TBC1D8B: variants seen among roughly 807,000 people sequenced by gnomAD.
The protein encoded by TBC1D8B is RP11-321G1.1.
A neutral mutation model predicts 82.9 loss-of-function variants in TBC1D8B; 75 were observed. The observed-to-expected ratio is 0.90, with a 90% confidence interval of 0.75 to 1.10. The LOEUF (loss-of-function observed/expected upper bound fraction) is 1.10, where lower values mean the gene tolerates loss of function less well. TBC1D8B is among the 50% of genes least tolerant of loss of function. TBC1D8B has a pLI of 0.00. For missense variants in TBC1D8B, 794 were observed against 796.9 expected, an observed-to-expected ratio of 1.00 and a Z score of 0.04; for synonymous variants, 276 against 276.8, an observed-to-expected ratio of 1.00 and a Z score of 0.03.
chrX:106,861,239 C>T (rs755622861), intron 14 of TBC1D8B, among the ~76,000 whole-genome samples: 8 of 110,950 alleles, frequency 7.2e-5, no homozygotes, highest in Non-Finnish European at 1.3e-4. Flanking sequence ...CTGTTAGGTC[C>T]GTTTGGTCAA....
intron 10 of TBC1D8B, among the ~76,000 whole-genome samples, chrX:106,843,043 T>C (rs2147754613): frequency 8.9e-6 from 1 of 112,194 alleles, no homozygotes; most frequent in South Asian, 3.7e-4. Context: ...TCTTATGATT[T>C]AATAATATTC....
At chrX:106,863,490 G>A (rs1406091106) in intron 14 of TBC1D8B, among the ~76,000 whole-genome samples, 1 of 111,446 alleles carries the variant, frequency 9.0e-6, no homozygotes, top group African/African-American at 3.3e-5. Context: ...CCTGTGGAGG[G>A]AGGCACACAC....
At chrX:106,809,502 T>A (rs1931295078) in intron 1 of TBC1D8B, among the ~76,000 whole-genome samples, 1 of 107,908 alleles carries the variant, frequency 9.3e-6, no homozygotes, top group South Asian at 3.8e-4. Context: ...TAATTTTTTC[T>A]AGAAGTTTTT....
At position 106,827,243 on chromosome X, in the gene TBC1D8B, G is replaced by A. The variant is rs140193069; in HGVS notation, c.1109G>A (p.Arg370His). The change falls in exon 7 of 21, where the codon CGC becomes CAC. Residue 370 changes from arginine to histidine, a missense_variant. By Grantham distance (29) the Arg-to-His change is conservative. Transcript: ENST00000357242. ...IISIKGKTAF[R>H]FHEVKDFEQL... ...AGCATCAAAGGAAAAACAGCTTTTC[G>A]CTTCCATGAAGTTAAAGACTTTGAA... 139 of 1,209,351 alleles carry A rather than the reference G, an allele frequency of 1.1e-4. No homozygotes were observed. Among genetic ancestry groups the A allele is most frequent in the East Asian group, 9.2e-4 (31 of 33,730 alleles).
chrX:106,871,179 G>T (rs1301276402), intron 20 of TBC1D8B, among the ~76,000 whole-genome samples: 1 of 110,643 alleles, frequency 9.0e-6, no homozygotes, highest in African/African-American at 3.3e-5. Flanking sequence ...TACTGAGATG[G>T]GTCACACCCT....
chrX:106,843,068 A>G (rs1259700311), intron 10 of TBC1D8B, among the ~76,000 whole-genome samples: 1 of 112,008 alleles, frequency 8.9e-6, no homozygotes, highest in Non-Finnish European at 1.9e-5. Context: ...ATATGGATAT[A>G]TACCACATTT....
At chrX:106,862,785 T>TG (rs1314897438) in intron 14 of TBC1D8B, among the ~76,000 whole-genome samples, 1 of 95,010 alleles carries the variant, frequency 1.1e-5, no homozygotes, top group Non-Finnish European at 2.1e-5. Flanking sequence ...TGTTTTTTTT[T>TG]TTTTTTTTTT....
chrX:106,872,261 G>A (rs1268798245), intron 20 of TBC1D8B, among the ~76,000 whole-genome samples: 1 of 101,040 alleles, frequency 9.9e-6, no homozygotes, highest in Non-Finnish European at 2.0e-5. Context: ...CTCCAACCTG[G>A]GTGAGCTGAG....
At chrX:106,807,439 C>T (rs1390197554) in intron 1 of TBC1D8B, among the ~76,000 whole-genome samples, 1 of 101,476 alleles carries the variant, frequency 9.9e-6, no homozygotes, top group African/African-American at 3.7e-5. Flanking sequence ...GAAGGATGAT[C>T]AGTGTTACCC....
In TBC1D8B at chrX:106,826,183, C is replaced by A. The variant is rs1374466489; in HGVS notation, c.981C>A (p.Ile327=). 2.5e-6 allele frequency: 3 copies of A among 1,208,991 alleles called. No homozygotes were observed. The African/African-American group carries it at 5.3e-5, about 21-fold the overall frequency. The change falls in exon 6 of 21, where the codon ATC becomes ATA. Residue 327 remains isoleucine, a synonymous_variant. Transcript: ENST00000357242. ...HGKMCISENY[I]CFASQDGNQC... is the part of the protein sequence containing the mutation. ...AAATGTGCATCTCAGAAAATTATAT[C>A]TGCTTTGCTAGCCAAGATGGCAATC...
Position 106,840,056 on chromosome X carries a change from A to C in TBC1D8B, c.1362A>C (p.Glu454Asp), listed in dbSNP as rs1468528583. 8.4e-7 allele frequency: 1 copy of C among 1,193,860 alleles called. No homozygotes were observed. Residue 454 changes from glutamate (E) to aspartate (D), a missense_variant, in exon 9 of 21, where the codon GAA becomes GAC. Coordinates refer to ENST00000357242, the MANE Select transcript of TBC1D8B (RefSeq NM_017752.3). ...TTTTTCTGTCATTACAGTTGAAAGA[A>C]AAAATGAAGGAACAGTCATGGAAAA... ...LETLNSKMLK[E>D]KMKEQSWKIL...
chrX:106,859,973 G>C (rs913311411), intron 14 of TBC1D8B, among the ~76,000 whole-genome samples: 1 of 111,681 alleles, frequency 9.0e-6, no homozygotes, highest in Non-Finnish European at 1.9e-5. Flanking sequence ...GTTTTAGTTC[G>C]TTTTTGTGAT....
rs1402376766 is a variant in TBC1D8B at position 106,865,964 on chromosome X, T to C, written c.2593T>C (p.Trp865Arg). 18 of 1,209,490 alleles carry C rather than the reference T, an allele frequency of 1.5e-5. No homozygotes were observed. Among genetic ancestry groups the C allele is most frequent in the East Asian group, 5.9e-5 (2 of 33,820 alleles). Residue 865 changes from tryptophan (W) to arginine (R), a missense_variant, in exon 16 of 21, where the codon TGG (tryptophan) becomes CGG (arginine). Physicochemically the swap from Trp to Arg is moderately radical, Grantham distance 101. Transcript: ENST00000357242. ...HSANKDSLAL[W>R]TFRLLDENSD... The stretch of plus-strand genomic sequence containing the variant: ...TGCAAATAAAGACTCACTAGCTTTA[T>C]GGACATTCAGATTGTTAGATGAAAA...
chrX:106,839,375 G>A lies in TBC1D8B; in HGVS notation c.1271G>A (p.Arg424Lys). The A allele has an allele frequency of 8.4e-7, 1 of 1,190,407 alleles. No individual in the cohort carries two copies. Reference protein sequence around the residue: ...NFEVQSLTSQRECSKTVNTEA... With the variant: ...NFEVQSLTSQKECSKTVNTEA... The stretch of plus-strand genomic sequence containing the variant: ...GAGGTGCAATCTTTGACAAGTCAGA[G>A]GGAATGCAGTAAAACTGTGAACACT... Residue 424 changes from arginine to lysine, a missense_variant, in exon 8 of 21, where the codon AGG becomes AAG. By Grantham distance (26) the Arg-to-Lys change is conservative (BLOSUM62 2). Transcript: ENST00000357242.
intron 20 of TBC1D8B, among the ~76,000 whole-genome samples, chrX:106,871,068 G>A (rs1015253278): frequency 3.6e-5 from 4 of 111,291 alleles, no homozygotes; most frequent in African/African-American, 1.3e-4. Context: ...AGTATGTGTA[G>A]TATATTTCCA....
rs1733477583 is a variant in TBC1D8B, at chrX:106,848,294, C to T, written c.1828C>T (p.Arg610Ter). Residue 610 changes from arginine (R) to a stop codon, truncating the protein, a stop_gained, in exon 11 of 21, where the codon CGA becomes TGA. Coordinates refer to ENST00000357242, the MANE Select transcript of TBC1D8B (RefSeq NM_017752.3). LOFTEE classifies it high-confidence loss of function. ...AATGTTGCCTGATTATTTTAATCGT[C>T]GAATTATTGGTAAAAGAAAAACCAC... is the stretch of plus-strand genomic sequence containing the variant. ...ERMLPDYFNR[R>*]IIGALVDQAV... 1 of 1,172,353 alleles carries T rather than the reference C, an allele frequency of 8.5e-7. No homozygotes were observed.
chrX:106,863,547 T>C (rs778868080), intron 14 of TBC1D8B, among the ~76,000 whole-genome samples: 1 of 111,591 alleles, frequency 9.0e-6, no homozygotes, highest in South Asian at 3.8e-4. Flanking sequence ...CTCTCAGTGA[T>C]GCTTGGGCAC....
At position 106,834,467 on chromosome X, in the gene TBC1D8B, C is replaced by T. The variant is rs889231474; in HGVS notation, c.1204-4841C>T. 1.4e-3 allele frequency among the ~76,000 whole-genome samples: 154 copies of T among 110,798 alleles called. 12 individuals are homozygous for T. Among genetic ancestry groups the T allele is most frequent in the Non-Finnish European group, 3.0e-4 (16 of 52,906 alleles). On this transcript the variant is annotated intron_variant, in intron 7 of 20. Transcript: ENST00000357242. ...ACAGAGCCAAACCATATCATTCCAC[C>T]CCTGGCCCCTCCCAAATCTCATGTC...
intron 10 of TBC1D8B, among the ~76,000 whole-genome samples, chrX:106,841,698 T>C (rs1932311749): frequency 1.8e-5 from 2 of 111,641 alleles, no homozygotes; most frequent in Non-Finnish European, 3.8e-5. Flanking sequence ...ACAAAGGAGA[T>C]TGACTCTTCA....
Sources: allele counts gnomAD v4.1 joint callset (sites outside exome capture counted in the v4.1 genomes callset), GRCh38; gene constraint gnomAD v4.1.1; transcripts MANE v1.5; gene names NCBI Gene and HGNC (gene_info 2026-07-23, HGNC 2026-07-21).